The following IGFLR1 variants were observed in gnomAD, a reference collection of about 807,000 sequenced individuals.
The protein encoded by IGFLR1 is IGF-like family receptor 1.
In IGFLR1, 17 loss-of-function variants were observed where a neutral mutation model predicts 23.4. That is an observed-to-expected ratio of 0.73 (90% CI 0.50 to 1.09). IGFLR1 has a LOEUF of 1.09. Ranked by LOEUF, IGFLR1 falls within the 50% of genes least tolerant of loss-of-function variation. The probability of loss-of-function intolerance (pLI) is 0.00; values close to 1 mark genes in which losing one functional copy is unlikely to be tolerated. For missense variants in IGFLR1, 556 were observed against 459.2 expected (o/e 1.21, Z -1.93); for synonymous variants, 265 against 210.7 (o/e 1.26, Z -2.23).
At position 35,741,025 on chromosome 19, in the gene IGFLR1, C is replaced by G; in HGVS notation, c.156G>C (p.Pro52=). 2 of 1,611,482 alleles carry G rather than the reference C, an allele frequency of 1.2e-6. No homozygotes were observed. Among genetic ancestry groups the G allele is most frequent in the Non-Finnish European group, 1.7e-6 (2 of 1,179,076 alleles). ...CLQRFGPPPC[P]DYEFRENCGL... ...CAAGGCTCGGTCTCGGATTCTCACC[C>G]GGGCAGGGGGGCGGCCCGAAGCGTT... Residue 52 remains proline (P), a splice_region_variant and synonymous_variant, in exon 2 of 5, where the codon CCG becomes CCC. Coordinates refer to ENST00000246532, the MANE Select transcript of IGFLR1 (RefSeq NM_024660.4).
intron 2 of IGFLR1, 26 bp from the exon 3 acceptor site, chr19:35,740,590 C>T (rs775947888): frequency 6.3e-7 from 1 of 1,576,840 alleles, no homozygotes; most frequent in Non-Finnish European, 8.6e-7. Flanking sequence ...CGCTCCAGTG[C>T]GGCCGCCTAG....
Position 35,741,818 on chromosome 19 carries a change from A to T in IGFLR1, c.-44+578T>A, listed in dbSNP as rs1372762426. ...CAGCAAGACCTCATCTCTAAAAACA[A>T]AAAAAACTGGCCGCCGGGCGCAGTG... On this transcript the variant is annotated intron_variant, in intron 1 of 4. Transcript: ENST00000246532. 3.3e-5 allele frequency among the ~76,000 whole-genome samples: 5 copies of T among 151,956 alleles called. No individual in the cohort carries two copies. The East Asian group carries it at 9.7e-4, about 29-fold the overall frequency.
chr19:35,739,322 C>A lies in IGFLR1; in HGVS notation c.1026G>T (p.Arg342=), dbSNP rs1159550703. 1 of 1,607,716 alleles carries A rather than the reference C, an allele frequency of 6.2e-7. No homozygotes were observed. Among genetic ancestry groups the A allele is most frequent in the African/African-American group, 1.3e-5 (1 of 74,856 alleles). ...LAQLGRADAL[R]VLSKLGSSGV... ...CAGATGAGCCAAGCTTGGACAGCAC[C>A]CGCAATGCATCTGCCCGCCCTAGCT... is the stretch of plus-strand genomic sequence containing the variant. The change falls in exon 5 of 5, where the codon CGG becomes CGT. Residue 342 remains arginine, a synonymous_variant. Transcript: ENST00000246532.
At position 35,741,150 on chromosome 19, in the gene IGFLR1, A is replaced by T; in HGVS notation, c.31T>A (p.Leu11Met). Residue 11 changes from leucine (L) to methionine (M), a missense_variant, in exon 2 of 5, where the codon TTG becomes ATG. By Grantham distance (15) the Leu-to-Met change is conservative. Coordinates refer to ENST00000246532, the MANE Select transcript of IGFLR1 (RefSeq NM_024660.4). MGPGRCLLTA[L>M]LLLALAPPPE... is the part of the protein sequence containing the mutation. ...GGTGGCGCCAGGGCCAGAAGCAACA[A>T]GGCCGTCAGGAGGCATCGTCCAGGC... 6.2e-7 allele frequency: 1 copy of T among 1,603,778 alleles called. No individual in the cohort carries two copies. Among genetic ancestry groups the T allele is most frequent in the Non-Finnish European group, 8.5e-7 (1 of 1,173,710 alleles).
In IGFLR1 at chr19:35,739,418, C is replaced by T; in HGVS notation, c.930G>A (p.Arg310=). Residue 310 remains arginine, a synonymous_variant, in exon 5 of 5, where the codon CGG becomes CGA. Transcript: ENST00000246532. ...YSLRPSRSPL[R]ALIEMVVARE... ...TTGCCACCACCATCTCAATCAGAGC[C>T]CGCAGCGGCGAGCGACTCGGCCTCA... The T allele has an allele frequency of 6.2e-7, 1 of 1,613,846 alleles. No homozygotes were observed. Among genetic ancestry groups the T allele is most frequent in the Non-Finnish European group, 8.5e-7 (1 of 1,179,948 alleles).
In IGFLR1 at chr19:35,739,069, T is replaced by G. The variant is rs144350613; in HGVS notation, c.*211A>C. The G allele has an allele frequency of 1.0e-4, 59 of 580,902 alleles. No homozygotes were observed. Among genetic ancestry groups the G allele is most frequent in the Admixed American group, 1.3e-4 (4 of 31,474 alleles). 36.0% of individuals were successfully genotyped at this position (580,902 alleles called of 1,614,324 possible). A position where few individuals can be genotyped will look rare whatever the true frequency, so the allele number is the denominator to read the frequency against. On this transcript the variant is annotated 3_prime_UTR_variant, in exon 5 of 5. Coordinates refer to ENST00000246532, the MANE Select transcript of IGFLR1 (RefSeq NM_024660.4). ...ACACAGCAACTGTCTGTAGCAGGGT[T>G]GTTTCCCAGAGGGGATTCTGGTGGC...
rs765581868 is a variant in IGFLR1, at chr19:35,740,452, G to A, written c.270C>T (p.Ser90=). 6.2e-6 allele frequency: 10 copies of A among 1,612,706 alleles called. No homozygotes were observed. In the Middle Eastern group the frequency reaches 5.0e-4, roughly 80 times the overall value. The change falls in exon 3 of 5, where the codon AGC becomes AGT. Residue 90 remains serine (S), a synonymous_variant. Transcript: ENST00000246532. ...GGGTCACGGCTCCGCCGCCGCAGGG[G>A]CTACATAGCTCCGCGCCGTCGGGGT... is the stretch of plus-strand genomic sequence containing the variant. The part of the protein sequence containing the change: ...QCNPDGAELC[S]PCGGGAVTPT...
In IGFLR1 at chr19:35,739,747, T is replaced by A; in HGVS notation, c.684A>T (p.Thr228=). ...SSPGALETGD[T]WKEASLLPLL... Reference sequence around the variant, plus strand: ...GTGGAAGTAGTGAGGCCTCCTTCCATGTGTCCCCTGTCTCCAGGGCGCCTG... The same window carrying A: ...GTGGAAGTAGTGAGGCCTCCTTCCAAGTGTCCCCTGTCTCCAGGGCGCCTG... The change falls in exon 4 of 5, where the codon ACA becomes ACT. Residue 228 remains threonine, a synonymous_variant. Coordinates refer to ENST00000246532, the MANE Select transcript of IGFLR1 (RefSeq NM_024660.4). 6.4e-7 allele frequency: 1 copy of A among 1,553,404 alleles called. No individual in the cohort carries two copies.
In IGFLR1 at chr19:35,740,366, A is replaced by G; in HGVS notation, c.342+14T>C. The G allele has an allele frequency of 6.4e-7, 1 of 1,559,118 alleles. No homozygotes were observed. Among genetic ancestry groups the G allele is most frequent in the Non-Finnish European group, 8.7e-7 (1 of 1,153,418 alleles). On this transcript the variant is annotated intron_variant, in intron 3 of 4. Coordinates refer to ENST00000246532, the MANE Select transcript of IGFLR1 (RefSeq NM_024660.4). The stretch of plus-strand genomic sequence containing the variant: ...TCCAGCACGCCCTTGCCCTGCCGGG[A>G]GTCCCATCTGCACCTCTCTGCAGCG...
rs139783413 is a variant in IGFLR1 at position 35,739,932 on chromosome 19, G to A, written c.499C>T (p.Leu167=). ...ACCGCCAAGGTCAGGAGCAGGACCA[G>A]CACCACGAGCGGAAGGAAATTCGGC... ...AWPNFLPLVV[L]VLLLTLAVIA... is the part of the protein sequence containing the mutation. Residue 167 remains leucine, a synonymous_variant, in exon 4 of 5, where the codon CTG becomes TTG. Transcript: ENST00000246532. 20 of 1,614,054 alleles carry A rather than the reference G, an allele frequency of 1.2e-5. No homozygotes were observed. The African/African-American group carries it at 1.9e-4, about 15-fold the overall frequency.
At position 35,739,451 on chromosome 19, in the gene IGFLR1, G is replaced by C. The variant is rs543724475; in HGVS notation, c.897C>G (p.Ala299=). ...YGLPAAWSTF[A]YSLRPSRSPL... Reference sequence around the variant, plus strand: ...GCGAGCGACTCGGCCTCAGCGAATAGGCAAAGGTGGACCAGGCAGCAGGCA... The same window carrying C: ...GCGAGCGACTCGGCCTCAGCGAATACGCAAAGGTGGACCAGGCAGCAGGCA... The change falls in exon 5 of 5, where the codon GCC becomes GCG. Residue 299 remains alanine (A), a synonymous_variant. Coordinates refer to ENST00000246532, the MANE Select transcript of IGFLR1 (RefSeq NM_024660.4). The C allele has an allele frequency of 1.9e-6, 3 of 1,613,998 alleles. No homozygotes were observed. Among genetic ancestry groups the C allele is most frequent in the Non-Finnish European group, 8.5e-7 (1 of 1,179,992 alleles).
At position 35,740,538 on chromosome 19, in the gene IGFLR1, G is replaced by A; in HGVS notation, c.184C>T (p.Leu62Phe). 3 of 1,610,222 alleles carry A rather than the reference G, an allele frequency of 1.9e-6. No individual in the cohort carries two copies. Among genetic ancestry groups the A allele is most frequent in the Non-Finnish European group, 2.5e-6 (3 of 1,178,742 alleles). ...PDYEFRENCG[L>F]NDHGDFVTPP... The stretch of plus-strand genomic sequence containing the variant: ...GTTACGAAATCGCCGTGGTCATTGA[G>A]TCCGCAGTTTTCCCGGAACTCATAG... The change falls in exon 3 of 5, where the codon CTC (leucine) becomes TTC (phenylalanine). Residue 62 changes from leucine (L) to phenylalanine (F), a missense_variant. Physicochemically the swap from Leu to Phe is conservative, Grantham distance 22. Transcript: ENST00000246532.
Position 35,739,371 on chromosome 19 carries a change from C to T in IGFLR1, c.977G>A (p.Gly326Asp), listed in dbSNP as rs1474878561. The T allele has an allele frequency of 6.2e-7, 1 of 1,612,726 alleles. No individual in the cohort carries two copies. The highest frequency in any genetic ancestry group is 8.5e-7 in the Non-Finnish European group (1 of 1,179,610). ...CTGGGCGAGGTGTGTGCCAAGCTGGCCCAGGGAGGCAGAGGGCTCCCTTGC... is the reference window on the plus strand; with the variant it reads ...CTGGGCGAGGTGTGTGCCAAGCTGGTCCAGGGAGGCAGAGGGCTCCCTTGC... ...VVAREPSASL[G>D]QLGTHLAQLG... The change falls in exon 5 of 5, where the codon GGC becomes GAC. Residue 326 changes from glycine to aspartate, a missense_variant. Gly to Asp is a moderately conservative substitution (Grantham distance 94, BLOSUM62 -1). Transcript: ENST00000246532.
Position 35,740,315 on chromosome 19 carries a change from G to A in IGFLR1, c.342+65C>T, listed in dbSNP as rs1285548024. 31 of 1,462,300 alleles carry A rather than the reference G, an allele frequency of 2.1e-5. 1 individual carries two copies. The East Asian group carries it at 7.2e-4, about 34-fold the overall frequency. The allele number at this position is 1,462,300 out of a possible 1,614,324, so 90.6% of individuals were successfully genotyped here. On this transcript the variant is annotated intron_variant, in intron 3 of 4. Transcript: ENST00000246532. ...CCCACCCCTTACGTGGGGCTACGCC[G>A]GCTCCCTACATCTAGGCCCCCCACC...
In IGFLR1 at chr19:35,739,351, C is replaced by T. The variant is rs757461388; in HGVS notation, c.997G>A (p.Ala333Thr). ...ASLGQLGTHLAQLGRADALRV... is the reference protein window; with the variant it reads ...ASLGQLGTHLTQLGRADALRV... Reference sequence around the variant, plus strand: ...AATGCATCTGCCCGCCCTAGCTGGGCGAGGTGTGTGCCAAGCTGGCCCAGG... The same window carrying T: ...AATGCATCTGCCCGCCCTAGCTGGGTGAGGTGTGTGCCAAGCTGGCCCAGG... Residue 333 changes from alanine to threonine, a missense_variant, in exon 5 of 5, where the codon GCC (alanine) becomes ACC (threonine). By Grantham distance (58) the Ala-to-Thr change is moderately conservative. Transcript: ENST00000246532. 6.0e-5 allele frequency: 96 copies of T among 1,611,466 alleles called. No homozygotes were observed. The highest frequency in any genetic ancestry group is 1.8e-4 in the Admixed American group (11 of 59,722).
Position 35,740,000 on chromosome 19 carries a change from G to A in IGFLR1, c.431C>T (p.Ser144Phe), listed in dbSNP as rs757854538. 3 of 1,614,098 alleles carry A rather than the reference G, an allele frequency of 1.9e-6. No homozygotes were observed. The highest frequency in any genetic ancestry group is 1.7e-5 in the Admixed American group (1 of 60,032). The change falls in exon 4 of 5, where the codon TCC becomes TTC. Residue 144 changes from serine (S) to phenylalanine (F), a missense_variant. By Grantham distance (155) the Ser-to-Phe change is radical. Coordinates refer to ENST00000246532, the MANE Select transcript of IGFLR1 (RefSeq NM_024660.4). ...SSQERSSPAS[S>F]IAWRTPEPVP... is the part of the protein sequence containing the mutation. ...AGGCTCAGGGGTCCTCCAGGCAATGGAACTTGCTGGTGAGCTGCGCTCCTG... is the reference window on the plus strand; with the variant it reads ...AGGCTCAGGGGTCCTCCAGGCAATGAAACTTGCTGGTGAGCTGCGCTCCTG...
Position 35,739,197 on chromosome 19 carries a change from C to T in IGFLR1, c.*83G>A. ...AGTGAGGCTATCTGTTGGGTCTTTG[C>T]CCAATTAGGATTGTACTTCAAGAAG... is the stretch of plus-strand genomic sequence containing the variant. On this transcript the variant is annotated 3_prime_UTR_variant, in exon 5 of 5. Transcript: ENST00000246532. 1 of 1,288,512 alleles carries T rather than the reference C, an allele frequency of 7.8e-7. No individual in the cohort carries two copies. The highest frequency in any genetic ancestry group is 1.1e-6 in the Non-Finnish European group (1 of 945,604). The allele number at this position is 1,288,512 out of a possible 1,614,324, so 79.8% of individuals were successfully genotyped here. A position where few individuals can be genotyped will look rare whatever the true frequency, so the allele number is the denominator to read the frequency against.
Position 35,739,340 on chromosome 19 carries a change from C to T in IGFLR1, c.1008G>A (p.Gly336=), listed in dbSNP as rs1260365521. The T allele has an allele frequency of 6.2e-7, 1 of 1,610,780 alleles. No homozygotes were observed. Among genetic ancestry groups the T allele is most frequent in the East Asian group, 2.2e-5 (1 of 44,800 alleles). Residue 336 remains glycine (G), a synonymous_variant, in exon 5 of 5, where the codon GGG becomes GGA. Transcript: ENST00000246532. ...GQLGTHLAQL[G]RADALRVLSK... ...ACAGCACCCGCAATGCATCTGCCCG[C>T]CCTAGCTGGGCGAGGTGTGTGCCAA...
Position 35,739,692 on chromosome 19 carries a change from G to A in IGFLR1, c.721+18C>T. On this transcript the variant is annotated intron_variant, in intron 4 of 4. Coordinates refer to ENST00000246532, the MANE Select transcript of IGFLR1 (RefSeq NM_024660.4). ...GTCCAGTCCACCTTCCCTGCCCCGG[G>A]GCTCCTCCAGGACTAACCCCTGCTC... 1 of 1,559,856 alleles carries A rather than the reference G, an allele frequency of 6.4e-7. No individual in the cohort carries two copies.
Sources: gnomAD v4.1 joint callset for allele counts (sites outside exome capture counted in the v4.1 genomes callset) on GRCh38, gnomAD v4.1.1 for gene constraint, MANE v1.5 for transcripts, NCBI Gene and HGNC (gene_info 2026-07-23, HGNC 2026-07-21) for gene names.